Variants in IGLON5 observed in about 807,000 individuals in gnomAD.
The protein encoded by IGLON5 is IgLON family member 5, also known as Ig-like domain-containing protein ENSP00000270642.
IGLON5 carries 16 observed loss-of-function variants against 38.2 expected under a neutral mutation model. The observed-to-expected ratio is 0.42, with a 90% CI of 0.28 to 0.64. IGLON5 has a LOEUF of 0.64. Ranked by LOEUF, IGLON5 falls within the 30% of genes least tolerant of loss-of-function variation. The pLI, the probability that IGLON5 is intolerant of heterozygous loss-of-function variation, is 0.23. For synonymous variants in IGLON5, 207 were observed against 216.4 expected (o/e 0.96, Z 0.38); for missense variants, 366 against 483.4 (o/e 0.76, Z 2.28).
At chr19:51,323,615 C>T (rs1227825386) in intron 2 of IGLON5, 47 bp from the exon 3 acceptor site, 1 of 1,525,816 alleles carries the variant, frequency 6.6e-7, no homozygotes, top group South Asian at 1.2e-5. Flanking sequence ...GGGGAAGCCT[C>T]AGGCTGGGTG....
At chr19:51,313,922 C>T (rs568361008) in intron 1 of IGLON5, among the ~76,000 whole-genome samples, 2 of 151,788 alleles carry the variant, frequency 1.3e-5, no homozygotes, top group East Asian at 3.9e-4. Context: ...AGATGGGGGT[C>T]TCACTATATT....
chr19:51,312,597 T>C (rs1048319181), intron 1 of IGLON5, among the ~76,000 whole-genome samples: 2 of 151,836 alleles, frequency 1.3e-5, no homozygotes, highest in Non-Finnish European at 2.9e-5. Context: ...GAGCTGGAGA[T>C]ACAGGAAGTT....
At chr19:51,315,351 C>T (rs1043206020) in intron 1 of IGLON5, among the ~76,000 whole-genome samples, 1 of 152,130 alleles carries the variant, frequency 6.6e-6, no homozygotes. Context: ...CTCTGAGCTC[C>T]AGGTTCATCT....
rs933228802 is a variant in IGLON5, at chr19:51,324,549, C to G, written c.391+655C>G. ...TCCTGGCAAGCTCCAACTCTGGAGCCAGACTGCCTGGGTTCCAACCTCAGT... is the reference window on the plus strand; with the variant it reads ...TCCTGGCAAGCTCCAACTCTGGAGCGAGACTGCCTGGGTTCCAACCTCAGT... On this transcript the variant is annotated intron_variant, in intron 3 of 7. Transcript: ENST00000270642. This position sits in a 1 kb window ranked among gnomAD's most constrained non-coding sequence, Gnocchi z 4.2. Among the ~76,000 whole-genome samples the G allele has an allele frequency of 2.0e-5, 3 of 152,096 alleles. No homozygotes were observed. The highest frequency in any genetic ancestry group is 4.4e-5 in the Non-Finnish European group (3 of 68,024).
chr19:51,322,800 C>A (rs1193562198), intron 2 of IGLON5, among the ~76,000 whole-genome samples: 1 of 150,622 alleles, frequency 6.6e-6, no homozygotes. Flanking sequence ...CTCTGCCCCC[C>A]TCTCTCTCTG....
chr19:51,321,399 G>A (rs758782428), intron 1 of IGLON5, among the ~76,000 whole-genome samples: 13 of 152,072 alleles, frequency 8.5e-5, no homozygotes, highest in African/African-American at 1.2e-4. Context: ...GGCTGGTCTC[G>A]AACTCCTGGT....
At chr19:51,316,498 C>CTTT (rs542147400) in intron 1 of IGLON5, among the ~76,000 whole-genome samples, 1 of 136,098 alleles carries the variant, frequency 7.3e-6, no homozygotes, top group Admixed American at 7.4e-5. Flanking sequence ...CTTTTCTTTT[C>CTTT]TTTTTTTTTT....
Position 51,330,595 on chromosome 19 carries a change from T to A in IGLON5, c.*1836T>A, listed in dbSNP as rs1448562044. Reference sequence around the variant, plus strand: ...CCAGTAAGGCTAATGAGAAAGTGAATGGATTCCCAAGAAGAGATGCTTTTC... The same window carrying A: ...CCAGTAAGGCTAATGAGAAAGTGAAAGGATTCCCAAGAAGAGATGCTTTTC... On this transcript the variant is annotated 3_prime_UTR_variant, in exon 8 of 8. Coordinates refer to ENST00000270642, the MANE Select transcript of IGLON5 (RefSeq NM_001101372.3). Among the ~76,000 whole-genome samples the A allele has an allele frequency of 6.6e-6, 1 of 152,156 alleles. No individual in the cohort carries two copies. Among genetic ancestry groups the A allele is most frequent in the East Asian group, 1.9e-4 (1 of 5,194 alleles).
chr19:51,325,765 G>A lies in IGLON5; in HGVS notation c.511+300G>A, dbSNP rs572770606. 6.6e-6 allele frequency among the ~76,000 whole-genome samples: 1 copy of A among 152,056 alleles called. No individual in the cohort carries two copies. The highest frequency in any genetic ancestry group is 1.5e-5 in the Non-Finnish European group (1 of 68,002). ...CCCGATGTCTCCCCACGCGCTCACA[G>A]CATTCTCCTGGGCTGAGATCCCCTG... On this transcript the variant is annotated intron_variant, in intron 4 of 7. Transcript: ENST00000270642. The surrounding 1 kb of genome is among the most constrained non-coding windows in gnomAD (Gnocchi z 5.5).
At chr19:51,313,639 C>T (rs1346232731) in intron 1 of IGLON5, among the ~76,000 whole-genome samples, 33 of 122,042 alleles carry the variant, frequency 2.7e-4, no homozygotes, top group African/African-American at 1.1e-3. Flanking sequence ...TTTTCTCTCT[C>T]TCTCTCTTTT....
At chr19:51,323,950 T>A in intron 3 of IGLON5, 56 bp downstream of exon 3, 3 of 1,231,068 alleles carry the variant, frequency 2.4e-6, no homozygotes, top group Non-Finnish European at 3.5e-6. Context: ...TGGGGGAGAC[T>A]AGGCATGATG....
chr19:51,316,477 G>A (rs891927845), intron 1 of IGLON5, among the ~76,000 whole-genome samples: 3 of 147,922 alleles, frequency 2.0e-5, no homozygotes, highest in Non-Finnish European at 4.5e-5. Context: ...TTTTTTCTTT[G>A]TTTTTCTTTT....
rs1985338055 is a variant in IGLON5 at position 51,330,752 on chromosome 19, G to C, written c.*1993G>C. Among the ~76,000 whole-genome samples the C allele has an allele frequency of 6.6e-6, 1 of 152,258 alleles. No homozygotes were observed. Among genetic ancestry groups the C allele is most frequent in the Admixed American group, 6.5e-5 (1 of 15,288 alleles). ...CAGCATATGGAGCCTGAGAAGGATA[G>C]GAACACTGTGAAGGGCAGAGTGGAA... On this transcript the variant is annotated 3_prime_UTR_variant, in exon 8 of 8. Coordinates refer to ENST00000270642, the MANE Select transcript of IGLON5 (RefSeq NM_001101372.3).
In IGLON5 at chr19:51,311,776, T is replaced by G; in HGVS notation, c.-72T>G. The G allele has an allele frequency of 1.7e-5, 1 of 60,434 alleles. No homozygotes were observed. Among genetic ancestry groups the G allele is most frequent in the Non-Finnish European group, 3.2e-5 (1 of 31,612 alleles). The allele number at this position is 60,434 out of a possible 1,614,324, so 3.7% of individuals were successfully genotyped here. A position where few individuals can be genotyped will look rare whatever the true frequency, so the allele number is the denominator to read the frequency against. ...GCGGGGTCCCCCTCCCCCTCCCCCCTCTCCCCCCAGGCCTCGCGCGCCCCG... is the reference window on the plus strand; with the variant it reads ...GCGGGGTCCCCCTCCCCCTCCCCCCGCTCCCCCCAGGCCTCGCGCGCCCCG... On this transcript the variant is annotated 5_prime_UTR_variant, in exon 1 of 8. Coordinates refer to ENST00000270642, the MANE Select transcript of IGLON5 (RefSeq NM_001101372.3).
chr19:51,323,101 C>G (rs1001478708), intron 2 of IGLON5, among the ~76,000 whole-genome samples: 9 of 146,188 alleles, frequency 6.2e-5, no homozygotes, highest in Non-Finnish European at 1.4e-4. Flanking sequence ...GAGTCTCTGT[C>G]CCCTCTCTCT....
rs1481657181 is a variant in IGLON5 at position 51,329,129 on chromosome 19, T to TGG, written c.*371_*372insGG. On this transcript the variant is annotated 3_prime_UTR_variant, in exon 8 of 8. Coordinates refer to ENST00000270642, the MANE Select transcript of IGLON5 (RefSeq NM_001101372.3). The surrounding 1 kb of genome is among the most constrained non-coding windows in gnomAD (Gnocchi z 4.3). ...AGGTGTCTGTGTCTCTGTTTGTGTG[T>TGG]GTGTGGGGGGGTGGGCTGGGGGAAG... 2 of 114,340 alleles carry TGG rather than the reference T, an allele frequency of 1.7e-5. No individual in the cohort carries two copies. The highest frequency in any genetic ancestry group is 8.2e-5 in the African/African-American group (2 of 24,266). The allele number at this position is 114,340 out of a possible 1,614,324, so 7.1% of individuals were successfully genotyped here. A position where few individuals can be genotyped will look rare whatever the true frequency, so the allele number is the denominator to read the frequency against.
chr19:51,316,219 C>T (rs1984919809), intron 1 of IGLON5, among the ~76,000 whole-genome samples: 1 of 149,512 alleles, frequency 6.7e-6, no homozygotes, highest in Admixed American at 6.6e-5. Context: ...GTGGCACGCA[C>T]CAGTAGTCCC....
At chr19:51,322,176 A>G in intron 2 of IGLON5, 34 bp downstream of exon 2, 11 of 1,517,904 alleles carry the variant, frequency 7.2e-6, no homozygotes, top group Non-Finnish European at 1.0e-5. Flanking sequence ...CTCAGATCTC[A>G]TGGAGCCATG....
chr19:51,327,544 G>A lies in IGLON5; in HGVS notation c.768-188G>A, dbSNP rs1327649847. Among the ~76,000 whole-genome samples, 1 of 152,156 alleles carries A rather than the reference G, an allele frequency of 6.6e-6. No individual in the cohort carries two copies. The highest frequency in any genetic ancestry group is 1.9e-4 in the East Asian group (1 of 5,194). On this transcript the variant is annotated intron_variant, in intron 6 of 7. Coordinates refer to ENST00000270642, the MANE Select transcript of IGLON5 (RefSeq NM_001101372.3). This position sits in a 1 kb window ranked among gnomAD's most constrained non-coding sequence, Gnocchi z 7.1. ...TACGGGAGAGTCCAGAGTCCTGAGA[G>A]GCCAGGGTGCCTGGAGGGGGGCGGC...
Sources: gnomAD v4.1 joint callset for allele counts (sites outside exome capture counted in the v4.1 genomes callset) on GRCh38, gnomAD v4.1.1 for gene constraint, Gnocchi (gnomAD v3.1) non-coding constraint, MANE v1.5 for transcripts, NCBI Gene and HGNC (gene_info 2026-07-23, HGNC 2026-07-21) for gene names.